Variants in EPM2A observed in about 807,000 individuals in gnomAD.
EPM2A encodes the protein EPM2A glucan phosphatase, laforin.
In EPM2A, 21 loss-of-function variants were observed where a neutral mutation model predicts 26.5. That is an observed-to-expected ratio of 0.79 (90% CI 0.56 to 1.14). The LOEUF is 1.14. EPM2A is among the 50% of genes most tolerant of loss of function. The pLI is 0.00. For missense variants in EPM2A, 458 were observed against 440.8 expected, an observed-to-expected ratio of 1.04 and a Z score of -0.35; for synonymous variants, 217 against 177.6, an observed-to-expected ratio of 1.22 and a Z score of -1.76.
At chr6:145,678,318 A>G (rs1780225207) in intron 2 of EPM2A, among the ~76,000 whole-genome samples, 1 of 152,226 alleles carries the variant, frequency 6.6e-6, no homozygotes, top group African/African-American at 2.4e-5. Flanking sequence ...CCTAGGCAAT[A>G]CCATTCAGGA....
chr6:145,481,919 TA>T (rs5880642), intron 4 of EPM2A, among the ~76,000 whole-genome samples: 53,842 of 151,928 alleles, frequency 0.35, 10,161 homozygotes, highest in South Asian at 0.49. Flanking sequence ...GATGAATACA[TA>T]AATAAGGACC....
rs763098296 is a variant in EPM2A at position 145,627,567 on chromosome 6, T to C, written c.845A>G (p.Gln282Arg). ...RSTAAVCGWLQYVMGWNLRKV... is the reference protein window; with the variant it reads ...RSTAAVCGWLRYVMGWNLRKV... ...CCTCAGATTCCAGCCCATCACATACTGGAGCCAGCCGCAGACAGCCGCGGT... is the reference window on the plus strand; with the variant it reads ...CCTCAGATTCCAGCCCATCACATACCGGAGCCAGCCGCAGACAGCCGCGGT... Residue 282 changes from glutamine to arginine, a missense_variant, in exon 4 of 4, where the codon CAG becomes CGG. Coordinates refer to ENST00000367519, the MANE Select transcript of EPM2A (RefSeq NM_005670.4). 9 of 1,614,120 alleles carry C rather than the reference T, an allele frequency of 5.6e-6. No individual in the cohort carries two copies. In the African/African-American group the frequency reaches 6.7e-5, roughly 12 times the overall value.
chr6:145,452,489 CAAAAAAAAAAAAAAAAAAAAAA>C (rs563777945), intron 4 of EPM2A, among the ~76,000 whole-genome samples: 1 of 75,862 alleles, frequency 1.3e-5, no homozygotes, highest in African/African-American at 6.1e-5. Context: ...ACTAAAAATA[CAAAAAAAAAAAAAAAAAAAAAA>C]AAAAAAAAAA....
chr6:145,689,443 G>A (rs369420789), intron 1 of EPM2A, among the ~76,000 whole-genome samples: 1 of 152,122 alleles, frequency 6.6e-6, no homozygotes, highest in Non-Finnish European at 1.5e-5. Context: ...GAAAGACAAA[G>A]AGAAGAAGAC....
At chr6:145,447,103 T>C (rs141610666) in intron 4 of EPM2A, among the ~76,000 whole-genome samples, 164 of 152,214 alleles carry the variant, frequency 1.1e-3, no homozygotes, top group African/African-American at 3.6e-3. Context: ...AGAACTTAGT[T>C]TTGTTTACTC....
intron 1 of EPM2A, among the ~76,000 whole-genome samples, chr6:145,687,135 C>T (rs966794811): frequency 1.3e-5 from 2 of 152,084 alleles, no homozygotes; most frequent in Non-Finnish European, 2.9e-5. Flanking sequence ...AATCCTAACA[C>T]CCAAGGTGTT....
chr6:145,519,618 C>G (rs1348148903), intron 2 of EPM2A, among the ~76,000 whole-genome samples: 1 of 152,112 alleles, frequency 6.6e-6, no homozygotes, highest in Non-Finnish European at 1.5e-5. Context: ...AGGGAAGAGG[C>G]AGCCAAGGAG....
At chr6:145,493,200 A>G (rs530712538) in intron 4 of EPM2A, among the ~76,000 whole-genome samples, 1 of 152,296 alleles carries the variant, frequency 6.6e-6, no homozygotes, top group South Asian at 2.1e-4. Flanking sequence ...TTCTTTGAGC[A>G]GTGGTTTGTA....
chr6:145,518,964 T>G (rs538064307), intron 2 of EPM2A, among the ~76,000 whole-genome samples: 1 of 152,248 alleles, frequency 6.6e-6, no homozygotes, highest in African/African-American at 2.4e-5. Flanking sequence ...GAGTAAAGTT[T>G]GAGTCCAAAA....
intron 4 of EPM2A, among the ~76,000 whole-genome samples, chr6:145,450,942 T>A (rs948596579): frequency 9.9e-5 from 15 of 152,156 alleles, no homozygotes; most frequent in African/African-American, 3.6e-4. Flanking sequence ...CCTTGCAAGC[T>A]TAGGAACATC....
chr6:145,648,850 C>A (rs1009670861), intron 2 of EPM2A, among the ~76,000 whole-genome samples: 3 of 152,150 alleles, frequency 2.0e-5, no homozygotes, highest in East Asian at 1.9e-4. Flanking sequence ...AAAAAAAATT[C>A]TACCTTTAAA....
chr6:145,685,254 T>C (rs1164957039), intron 2 of EPM2A, among the ~76,000 whole-genome samples: 1 of 152,060 alleles, frequency 6.6e-6, no homozygotes, highest in Non-Finnish European at 1.5e-5. Flanking sequence ...GAAATAGATG[T>C]GGAAAAAAAT....
chr6:145,729,107 G>A (rs1776354172), intron 1 of EPM2A, among the ~76,000 whole-genome samples: 1 of 152,220 alleles, frequency 6.6e-6, no homozygotes. Flanking sequence ...AAGAGTTTAG[G>A]CTTGGGAGCC....
At chr6:145,439,430 A>G (rs1779033148) in intron 4 of EPM2A, among the ~76,000 whole-genome samples, 1 of 152,112 alleles carries the variant, frequency 6.6e-6, no homozygotes, top group Admixed American at 6.5e-5. Context: ...TCCCACCAGC[A>G]ATGTGTAAAT....
chr6:145,454,459 T>C, intron 4 of EPM2A, among the ~76,000 whole-genome samples: 1 of 152,040 alleles, frequency 6.6e-6, no homozygotes, highest in East Asian at 1.9e-4. Context: ...AGAGGGGAGA[T>C]AAAAGATAGC....
intron 4 of EPM2A, among the ~76,000 whole-genome samples, chr6:145,395,446 A>G (rs1362868332): frequency 6.6e-6 from 1 of 152,098 alleles, no homozygotes; most frequent in Non-Finnish European, 1.5e-5. Context: ...CAACAATTCA[A>G]TTCTGTAGCT....
intron 4 of EPM2A, among the ~76,000 whole-genome samples, chr6:145,437,342 G>C (rs1164831741): frequency 6.6e-6 from 1 of 152,120 alleles, no homozygotes; most frequent in Non-Finnish European, 1.5e-5. Context: ...CCATGAGTTG[G>C]TTAAACCTCT....
chr6:145,448,337 T>G (rs1253231706), intron 4 of EPM2A, among the ~76,000 whole-genome samples: 1 of 152,050 alleles, frequency 6.6e-6, no homozygotes, highest in Non-Finnish European at 1.5e-5. Flanking sequence ...ACAATGTAAA[T>G]CAAATTTTCC....
intron 2 of EPM2A, among the ~76,000 whole-genome samples, chr6:145,545,853 C>T (rs921774602): frequency 1.6e-4 from 25 of 152,158 alleles, no homozygotes; most frequent in African/African-American, 5.5e-4. Flanking sequence ...CTGTCTGTAA[C>T]AACTTTCCTT....
Sources: allele counts gnomAD v4.1 joint callset (sites outside exome capture counted in the v4.1 genomes callset), GRCh38; gene constraint gnomAD v4.1.1; transcripts MANE v1.5; gene names NCBI Gene and HGNC (gene_info 2026-07-23, HGNC 2026-07-21).